XKR9: variants seen among roughly 807,000 people sequenced by gnomAD.
XKR9 encodes XK-related protein 9.
A neutral mutation model predicts 32.0 loss-of-function variants in XKR9; 32 were observed. The ratio of observed to expected loss-of-function variants is 1.00; its 90% CI spans 0.76 to 1.34. The LOEUF is 1.34. Ranked by LOEUF, XKR9 falls within the 40% of genes most tolerant of loss-of-function variation. The pLI is 0.00. For synonymous variants in XKR9, 168 were observed against 143.4 expected, an observed-to-expected ratio of 1.17 and a Z score of -1.22; for missense variants, 546 against 429.7, an observed-to-expected ratio of 1.27 and a Z score of -2.39.
At chr8:70,732,024 A>T (rs1191891204) in intron 4 of XKR9, among the ~76,000 whole-genome samples, 1 of 152,198 alleles carries the variant, frequency 6.6e-6, no homozygotes, top group African/African-American at 2.4e-5. Context: ...AAGACTTCCT[A>T]CTAGTTAGGG....
At chr8:70,711,551 C>G (rs1805920468) in intron 4 of XKR9, among the ~76,000 whole-genome samples, 1 of 152,176 alleles carries the variant, frequency 6.6e-6, no homozygotes, top group African/African-American at 2.4e-5. Context: ...ACAGTGTTCT[C>G]ACTTATAAGA....
chr8:70,723,932 C>T (rs909168357), intron 4 of XKR9, among the ~76,000 whole-genome samples: 1 of 148,116 alleles, frequency 6.8e-6, no homozygotes, highest in South Asian at 2.1e-4. Context: ...GTGGCCCAGG[C>T]GGGAGTGCAG....
At chr8:70,829,835 A>C in the XKR9 span, among the ~76,000 whole-genome samples, 1 of 152,172 alleles carries the variant, frequency 6.6e-6, no homozygotes, top group Non-Finnish European at 1.5e-5. Flanking sequence ...ATACTCCATT[A>C]TTGCCATTTT....
chr8:70,905,339 A>G, the XKR9 span, among the ~76,000 whole-genome samples: 1 of 151,926 alleles, frequency 6.6e-6, no homozygotes, highest in African/African-American at 2.4e-5. Flanking sequence ...CTTTTTCTCT[A>G]AACTTCTCTT....
At chr8:70,802,014 G>T in the XKR9 span, among the ~76,000 whole-genome samples, 2 of 149,692 alleles carry the variant, frequency 1.3e-5, no homozygotes. Context: ...TTGGCTCACT[G>T]CAAGCTCCGC....
chr8:70,882,460 G>A, the XKR9 span, among the ~76,000 whole-genome samples: 2 of 151,536 alleles, frequency 1.3e-5, no homozygotes, highest in Non-Finnish European at 2.9e-5. Context: ...ATATATAAAT[G>A]TGATAATGTA....
chr8:70,869,287 A>G, the XKR9 span, among the ~76,000 whole-genome samples: 1 of 152,348 alleles, frequency 6.6e-6, no homozygotes, highest in East Asian at 1.9e-4. Flanking sequence ...CATACCCAAG[A>G]CTAGGTAATT....
At chr8:70,691,185 G>A (rs1023839502) in intron 3 of XKR9, among the ~76,000 whole-genome samples, 6 of 152,124 alleles carry the variant, frequency 3.9e-5, no homozygotes, top group African/African-American at 1.4e-4. Context: ...TTTGCCATAA[G>A]CTTGTTTGCC....
chr8:70,902,928 A>G, the XKR9 span, among the ~76,000 whole-genome samples: 2 of 152,092 alleles, frequency 1.3e-5, 1 homozygote, highest in African/African-American at 4.8e-5. Flanking sequence ...TTCTGTTTAT[A>G]TGATGGATTA....
At chr8:70,984,347 A>T in the XKR9 span, among the ~76,000 whole-genome samples, 6 of 152,156 alleles carry the variant, frequency 3.9e-5, no homozygotes, top group Non-Finnish European at 8.8e-5. Context: ...CTGAAGTCTT[A>T]CTGCATCTTG....
At chr8:70,801,883 CTTA>C in the XKR9 span, among the ~76,000 whole-genome samples, 1 of 151,366 alleles carries the variant, frequency 6.6e-6, no homozygotes, top group Non-Finnish European at 1.5e-5. Context: ...GTCAGATCTT[CTTA>C]TTGAATTGAA....
chr8:70,803,354 T>C, the XKR9 span, among the ~76,000 whole-genome samples: 4 of 152,196 alleles, frequency 2.6e-5, no homozygotes, highest in East Asian at 7.7e-4. Context: ...TTTTATTGTA[T>C]TTCTTAGATT....
intron 3 of XKR9, among the ~76,000 whole-genome samples, chr8:70,699,109 A>C (rs1009885052): frequency 1.3e-5 from 2 of 152,240 alleles, no homozygotes; most frequent in African/African-American, 4.8e-5. Flanking sequence ...CCTGAATACA[A>C]CACACTGATG....
chr8:70,923,458 C>T, the XKR9 span, among the ~76,000 whole-genome samples: 5 of 152,216 alleles, frequency 3.3e-5, no homozygotes, highest in Non-Finnish European at 7.3e-5. Flanking sequence ...GGATCCCTGT[C>T]TCACTCTCAG....
At chr8:70,770,755 C>T (rs1033834975) in intron 2 of XKR9, among the ~76,000 whole-genome samples, 1 of 152,174 alleles carries the variant, frequency 6.6e-6, no homozygotes, top group East Asian at 1.9e-4. Context: ...ATGGTGGACA[C>T]CCCTCCCCCC....
chr8:70,950,403 T>A, the XKR9 span, among the ~76,000 whole-genome samples: 1 of 152,024 alleles, frequency 6.6e-6, no homozygotes, highest in Non-Finnish European at 1.5e-5. Flanking sequence ...GACATGGCAT[T>A]ATCTAGGCAA....
the XKR9 span, among the ~76,000 whole-genome samples, chr8:71,044,284 T>G: frequency 6.6e-6 from 1 of 152,198 alleles, no homozygotes; most frequent in Non-Finnish European, 1.5e-5. Context: ...TGCGTTTGCC[T>G]TGCATGTGCT....
chr8:70,861,704 A>T, the XKR9 span, among the ~76,000 whole-genome samples: 2 of 152,234 alleles, frequency 1.3e-5, no homozygotes, highest in East Asian at 3.9e-4. Flanking sequence ...GAATTCAGTA[A>T]GTTAATATAT....
At position 70,707,141 on chromosome 8, in the gene XKR9, A is replaced by G. The variant is rs1805750451; in HGVS notation, c.481A>G (p.Asn161Asp). 1.2e-6 allele frequency: 2 copies of G among 1,612,530 alleles called. No individual in the cohort carries two copies. The highest frequency in any genetic ancestry group is 1.6e-4 in the Middle Eastern group (1 of 6,076). ...LYILLEHGQA[N>D]FSQYAAIMVS... ...CATTCTTCTGGAGCATGGACAAGCG[A>G]ATTTCAGTCAGTGTAAGTTTTTCTT... The change falls in exon 4 of 5, where the codon AAT becomes GAT. Residue 161 changes from asparagine (N) to aspartate (D), a missense_variant. By Grantham distance (23) the Asn-to-Asp change is conservative (BLOSUM62 1). Transcript: ENST00000408926.
Sources: allele counts gnomAD v4.1 joint callset (sites outside exome capture counted in the v4.1 genomes callset), GRCh38; gene constraint gnomAD v4.1.1; transcripts MANE v1.5; gene names NCBI Gene and HGNC (gene_info 2026-07-23, HGNC 2026-07-21).